The following HERC1 variants were observed in gnomAD, a reference collection of about 807,000 sequenced individuals.
HERC1 encodes the protein probable E3 ubiquitin-protein ligase HERC1.
In HERC1, 160 loss-of-function variants were observed where a neutral mutation model predicts 554.3. The observed-to-expected ratio is 0.29, with a 90% CI of 0.25 to 0.33. The LOEUF (loss-of-function observed/expected upper bound fraction) is 0.33. Ranked by LOEUF, HERC1 falls within the 10% of genes least tolerant of loss-of-function variation. HERC1 has a pLI of 1.00. For missense variants in HERC1, 4,919 were observed against 5,918.5 expected, an observed-to-expected ratio of 0.83 and a Z score of 5.54; for synonymous variants, 2,175 against 2,131.7, an observed-to-expected ratio of 1.02 and a Z score of -0.56.
chr15:63,634,549 T>C (rs2068698071), intron 66 of HERC1, among the ~76,000 whole-genome samples, 184 bp downstream of exon 66: 1 of 152,226 alleles, frequency 6.6e-6, no homozygotes, highest in Non-Finnish European at 1.5e-5. Flanking sequence ...ATAAACAAAC[T>C]TAAATTGACT....
chr15:63,674,237 A>AAAT, intron 38 of HERC1, 105 bp downstream of exon 38: 1 of 695,330 alleles, frequency 1.4e-6, no homozygotes, highest in Non-Finnish European at 2.0e-6. Context: ...CAAAAAAAAA[A>AAAT]TTTTTTTTTT....
intron 21 of HERC1, 126 bp from the exon 22 acceptor site, chr15:63,716,599 C>A (rs1456653204): frequency 1.3e-5 from 9 of 696,644 alleles, no homozygotes; most frequent in African/African-American, 1.8e-5. Context: ...ATGAACTTTA[C>A]TACAAAAACC....
intron 39 of HERC1, among the ~76,000 whole-genome samples, chr15:63,671,549 A>G (rs1025196740): frequency 1.3e-5 from 2 of 152,218 alleles, no homozygotes; most frequent in African/African-American, 2.4e-5. Flanking sequence ...AGACCACAGC[A>G]GTAATTCTCA....
intron 61 of HERC1, among the ~76,000 whole-genome samples, chr15:63,639,467 G>C (rs2068935156): frequency 6.6e-6 from 1 of 152,082 alleles, no homozygotes; most frequent in Non-Finnish European, 1.5e-5. Flanking sequence ...GATATTCCCA[G>C]CGTCAAGATT....
rs551375205 is a variant in HERC1, at chr15:63,825,754, A to G, written c.-27+8073T>C. 1.2e-3 allele frequency among the ~76,000 whole-genome samples: 184 copies of G among 152,200 alleles called. 1 individual carries two copies. Among genetic ancestry groups the G allele is most frequent in the African/African-American group, 4.4e-3 (181 of 41,522 alleles). Reference sequence around the variant, plus strand: ...CAGTTCATTAGAAAACCACGAAAAAAAAGAAAAATAATAATTTTTTTTTTT... The same window carrying G: ...CAGTTCATTAGAAAACCACGAAAAAGAAGAAAAATAATAATTTTTTTTTTT... On this transcript the variant is annotated intron_variant, in intron 1 of 77. Transcript: ENST00000443617.
chr15:63,801,956 G>C (rs555050313), intron 1 of HERC1, among the ~76,000 whole-genome samples: 11 of 152,274 alleles, frequency 7.2e-5, no homozygotes, highest in Non-Finnish European at 1.5e-4. Context: ...TGTACCAAAG[G>C]AATCTCTAAC....
intron 39 of HERC1, among the ~76,000 whole-genome samples, chr15:63,672,183 A>G (rs2070964887): frequency 6.6e-6 from 1 of 151,494 alleles, no homozygotes. Flanking sequence ...CTTTTTGAGG[A>G]AAAAAAAATA....
rs759913014 is a variant in HERC1 at position 63,713,627 on chromosome 15, G to C, written c.4189C>G (p.Arg1397Gly). Residue 1397 changes from arginine to glycine, a missense_variant, in exon 23 of 78, where the codon CGT becomes GGT. Physicochemically the swap from Arg to Gly is moderately radical, Grantham distance 125. Coordinates refer to ENST00000443617, the MANE Select transcript of HERC1 (RefSeq NM_003922.4). ...QCFLSAREVA[R>G]SRDRDRMNSG... ...TTCATTCTATCTCGGTCTCGGCTAC[G>C]AGCTACTTCACGGGCTGAGAGGAAA... 10 of 1,612,464 alleles carry C rather than the reference G, an allele frequency of 6.2e-6. No individual in the cohort carries two copies. In the African/African-American group the frequency reaches 8.0e-5, roughly 13 times the overall value.
intron 75 of HERC1, 35 bp downstream of exon 75, chr15:63,616,395 A>G: frequency 6.3e-7 from 1 of 1,597,340 alleles, no homozygotes; most frequent in Non-Finnish European, 8.5e-7. Flanking sequence ...ATAGGACGTC[A>G]ACACCAGTAG....
chr15:63,752,271 C>T (rs2075275462), intron 8 of HERC1, among the ~76,000 whole-genome samples: 1 of 152,174 alleles, frequency 6.6e-6, no homozygotes, highest in Admixed American at 6.5e-5. Context: ...CACTGCCTGA[C>T]ACAAGGTGGC....
Position 63,646,126 on chromosome 15 carries a change from T to C in HERC1, c.10879-444A>G, listed in dbSNP as rs1463274507. 2.6e-5 allele frequency among the ~76,000 whole-genome samples: 4 copies of C among 152,360 alleles called. No homozygotes were observed. In the East Asian group the frequency reaches 5.8e-4, roughly 22 times the overall value. On this transcript the variant is annotated intron_variant, in intron 55 of 77. Transcript: ENST00000443617. ...TTTTGTGTTTATATGGCTGTGATCA[T>C]TGTGCTCTTCTGATTTTATTTTTAT... is the stretch of plus-strand genomic sequence containing the variant.
intron 59 of HERC1, among the ~76,000 whole-genome samples, chr15:63,642,367 T>G (rs2069110712): frequency 6.6e-6 from 1 of 152,184 alleles, no homozygotes; most frequent in Admixed American, 6.5e-5. Flanking sequence ...GGATGGGCTC[T>G]CACTCTGTCA....
chr15:63,640,511 C>T (rs1319229777), intron 60 of HERC1, 66 bp from the exon 61 acceptor site: 16 of 1,278,288 alleles, frequency 1.3e-5, no homozygotes, highest in Middle Eastern at 3.8e-4. Flanking sequence ...ATTAACCTAC[C>T]GTAGTCTGAA....
intron 59 of HERC1, among the ~76,000 whole-genome samples, chr15:63,642,480 G>A (rs1211328831): frequency 6.6e-6 from 1 of 152,078 alleles, no homozygotes; most frequent in Non-Finnish European, 1.5e-5. Flanking sequence ...TGAGACTATA[G>A]GCATGTGCCA....
intron 18 of HERC1, among the ~76,000 whole-genome samples, chr15:63,723,873 G>T (rs2073927688): frequency 6.6e-6 from 1 of 152,058 alleles, no homozygotes; most frequent in South Asian, 2.1e-4. Flanking sequence ...TGTACAGGTG[G>T]TTCCTAACTT....
chr15:63,667,685 G>C (rs530455865), intron 40 of HERC1, among the ~76,000 whole-genome samples: 34 of 152,258 alleles, frequency 2.2e-4, no homozygotes, highest in Middle Eastern at 3.4e-3. Context: ...ATATGAAGTG[G>C]TACAATATCA....
Position 63,628,799 on chromosome 15 carries a change from G to A in HERC1, c.12983C>T (p.Thr4328Ile). ...NSEGQLGLGH[T>I]NHVREPTLVT... ...CAGGGTTGGTTCTCGAACATGGTTG[G>A]TATGGCCTAAGCCGAGCTGGGAATA... is the stretch of plus-strand genomic sequence containing the variant. Residue 4328 changes from threonine (T) to isoleucine (I), a missense_variant, in exon 70 of 78, where the codon ACC becomes ATC. This residue lies in a region of HERC1 where 410 missense variants were observed against 467.0 expected (regional missense o/e 0.88). Transcript: ENST00000443617. 6.2e-7 allele frequency: 1 copy of A among 1,613,912 alleles called. No individual in the cohort carries two copies. Among genetic ancestry groups the A allele is most frequent in the Non-Finnish European group, 8.5e-7 (1 of 1,179,842 alleles).
chr15:63,702,761 T>C (rs2072790257), intron 25 of HERC1, among the ~76,000 whole-genome samples: 1 of 152,188 alleles, frequency 6.6e-6, no homozygotes, highest in Non-Finnish European at 1.5e-5. Context: ...AAATTTCATA[T>C]TGCCTCTGAG....
chr15:63,618,371 T>C (rs1259625590), intron 74 of HERC1, among the ~76,000 whole-genome samples: 2 of 152,160 alleles, frequency 1.3e-5, no homozygotes, highest in Non-Finnish European at 2.9e-5. Flanking sequence ...TATCTCTGTT[T>C]TGGTACCAGT....
Sources: gnomAD v4.1 joint callset for allele counts (sites outside exome capture counted in the v4.1 genomes callset) on GRCh38, gnomAD v4.1.1 for gene constraint, gnomAD v4.1.1 regional missense constraint, MANE v1.5 for transcripts, NCBI Gene and HGNC (gene_info 2026-07-23, HGNC 2026-07-21) for gene names.